Variants in TMEM229B observed in about 807,000 individuals in gnomAD.
TMEM229B encodes chromosome 14 open reading frame 83.
In TMEM229B, 6 loss-of-function variants were observed where a neutral mutation model predicts 13.7. The ratio of observed to expected loss-of-function variants is 0.44; its 90% CI spans 0.24 to 0.86. The LOEUF is 0.86. TMEM229B is among the 40% of genes least tolerant of loss of function. The pLI, the probability that TMEM229B is intolerant of heterozygous loss-of-function variation, is 0.23. For missense variants in TMEM229B, 170 were observed against 236.0 expected (o/e 0.72, Z 1.83); for synonymous variants, 107 against 102.1 (o/e 1.05, Z -0.29).
intron 1 of TMEM229B, among the ~76,000 whole-genome samples, chr14:67,501,178 C>T (rs901964096): frequency 1.3e-5 from 2 of 151,960 alleles, no homozygotes; most frequent in African/African-American, 4.8e-5. Context: ...TGCAAACCTC[C>T]AGCAGGTACT....
At chr14:67,478,373 A>G (rs538709557) in intron 2 of TMEM229B, among the ~76,000 whole-genome samples, 1 of 152,128 alleles carries the variant, frequency 6.6e-6, no homozygotes, top group Non-Finnish European at 1.5e-5. Context: ...TTTGGGATCC[A>G]TCCCCTCCTC....
intron 1 of TMEM229B, among the ~76,000 whole-genome samples, chr14:67,511,906 C>T (rs948480886): frequency 3.9e-5 from 6 of 152,222 alleles, no homozygotes; most frequent in Non-Finnish European, 1.5e-5. Context: ...GTTGACTTAG[C>T]CTCAGTTCTA....
chr14:67,497,436 G>C (rs1474884194), intron 1 of TMEM229B, among the ~76,000 whole-genome samples: 1 of 151,978 alleles, frequency 6.6e-6, no homozygotes, highest in African/African-American at 2.4e-5. Context: ...AAGAACTGAC[G>C]GGCAGCTCCG....
At chr14:67,522,979 T>C (rs1566708449) in intron 1 of TMEM229B, among the ~76,000 whole-genome samples, 1 of 152,192 alleles carries the variant, frequency 6.6e-6, no homozygotes, top group Non-Finnish European at 1.5e-5. Context: ...GTGTATTGAG[T>C]GTCTTCTCTT....
intron 2 of TMEM229B, among the ~76,000 whole-genome samples, chr14:67,482,860 C>G (rs947336974): frequency 3.3e-5 from 5 of 152,158 alleles, no homozygotes; most frequent in African/African-American, 1.2e-4. Flanking sequence ...ATACTGCAGG[C>G]CTTGATGAAG....
upstream of TMEM229B, chr14:67,488,862 C>T (rs2032036653): frequency 6.6e-6 from 1 of 152,234 alleles, no homozygotes. Flanking sequence ...CTTTTGAGGG[C>T]AGTGTCCCAC....
intron 2 of TMEM229B, among the ~76,000 whole-genome samples, chr14:67,484,199 A>T (rs1424232556): frequency 6.6e-6 from 1 of 152,114 alleles, no homozygotes; most frequent in Non-Finnish European, 1.5e-5. Context: ...GTCTCTCCTC[A>T]ACTAGAATGA....
chr14:67,474,014 A>T (rs2140033768), intron 2 of TMEM229B, 73 bp from the exon 3 acceptor site: 1 of 1,436,570 alleles, frequency 7.0e-7, no homozygotes, highest in Middle Eastern at 2.6e-4. Flanking sequence ...GCGCTTTGGG[A>T]GGCCGAGGCG....
intron 2 of TMEM229B, among the ~76,000 whole-genome samples, chr14:67,482,217 C>T (rs1036310822): frequency 4.6e-5 from 7 of 152,090 alleles, no homozygotes; most frequent in African/African-American, 1.4e-4. Flanking sequence ...AGCATCTCAC[C>T]GGCTGCTCTC....
intron 1 of TMEM229B, among the ~76,000 whole-genome samples, chr14:67,522,181 A>G (rs969837492): frequency 6.6e-6 from 1 of 152,104 alleles, no homozygotes; most frequent in African/African-American, 2.4e-5. Context: ...TCAAAACAAA[A>G]CAAAAAAAGA....
At position 67,496,391 on chromosome 14, in the gene TMEM229B, GTTTTTTTTTT is replaced by G. The variant is rs555715850; in HGVS notation, c.-191-9229_-191-9220del. On this transcript the variant is annotated intron_variant, in intron 1 of 2. Coordinates refer to the TMEM229B transcript ENST00000357461. The stretch of plus-strand genomic sequence containing the variant: ...TACAGGTGTGAGCCACTGCTCCGGC[GTTTTTTTTTT>G]TTTTTTTTTTTTTTTTTTTTGAGAC... Among the ~76,000 whole-genome samples the G allele has an allele frequency of 8.7e-3, 262 of 30,092 alleles. 2 individuals are homozygous for G. The highest frequency in any genetic ancestry group is 0.033 in the African/African-American group (253 of 7,648). The allele number at this position is 30,092 out of a possible 152,430, so 19.7% of individuals were successfully genotyped here. A position where few individuals can be genotyped will look rare whatever the true frequency, so the allele number is the denominator to read the frequency against.
chr14:67,530,777 C>T (rs1399069379), intron 1 of TMEM229B, among the ~76,000 whole-genome samples: 1 of 152,188 alleles, frequency 6.6e-6, no homozygotes, highest in Non-Finnish European at 1.5e-5. Context: ...CCAACTGCCC[C>T]ATTTTCTTGA....
intron 1 of TMEM229B, among the ~76,000 whole-genome samples, chr14:67,504,542 T>C (rs186765800): frequency 2.0e-5 from 3 of 152,188 alleles, no homozygotes; most frequent in African/African-American, 7.2e-5. Flanking sequence ...ATTGTGACAA[T>C]GATGGTTTTG....
chr14:67,519,061 A>T (rs2033250888), upstream of TMEM229B, among the ~76,000 whole-genome samples: 1 of 152,170 alleles, frequency 6.6e-6, no homozygotes, highest in South Asian at 2.1e-4. Flanking sequence ...GAACTGGGGG[A>T]TGGGACATAT....
intron 1 of TMEM229B, among the ~76,000 whole-genome samples, chr14:67,527,854 C>T (rs2033391094): frequency 6.6e-6 from 1 of 152,240 alleles, no homozygotes; most frequent in Non-Finnish European, 1.5e-5. Flanking sequence ...CACAGCTCTG[C>T]ATGTAGGACC....
At chr14:67,529,434 A>G (rs2033413483) in intron 1 of TMEM229B, among the ~76,000 whole-genome samples, 1 of 152,218 alleles carries the variant, frequency 6.6e-6, no homozygotes, top group East Asian at 1.9e-4. Context: ...AGTGGCTGGA[A>G]AATAGCAAGT....
At chr14:67,525,365 A>G (rs1381425035) in intron 1 of TMEM229B, among the ~76,000 whole-genome samples, 2 of 152,222 alleles carry the variant, frequency 1.3e-5, no homozygotes, top group Non-Finnish European at 2.9e-5. Context: ...TTCATCATAC[A>G]TTTTGATGGC....
chr14:67,475,358 C>T (rs2140045152), intron 2 of TMEM229B, among the ~76,000 whole-genome samples: 1 of 152,266 alleles, frequency 6.6e-6, no homozygotes, highest in East Asian at 1.9e-4. Context: ...CACGGGTGTA[C>T]AAAGGTCTGT....
intron 1 of TMEM229B, among the ~76,000 whole-genome samples, chr14:67,501,175 C>T (rs2032597330): frequency 6.6e-6 from 1 of 151,926 alleles, no homozygotes; most frequent in Admixed American, 6.6e-5. Flanking sequence ...AAATGCAAAC[C>T]TCCAGCAGGT....
Sources: allele counts gnomAD v4.1 joint callset (sites outside exome capture counted in the v4.1 genomes callset), GRCh38; gene constraint gnomAD v4.1.1; transcripts MANE v1.5; gene names NCBI Gene and HGNC (gene_info 2026-07-23, HGNC 2026-07-21).